SEMA3E: variants seen among roughly 807,000 people sequenced by gnomAD.
SEMA3E encodes the protein semaphorin-3E.
In SEMA3E, 49 loss-of-function variants were observed where a neutral mutation model predicts 93.6. That is an observed-to-expected ratio of 0.52 (90% CI 0.42 to 0.66). The LOEUF is 0.66. Among genes scored for constraint, SEMA3E ranks in the 30% least tolerant of loss-of-function variants. SEMA3E has a pLI of 0.00. For synonymous variants in SEMA3E, 363 were observed against 330.7 expected, an observed-to-expected ratio of 1.10 and a Z score of -1.06; for missense variants, 906 against 964.8, an observed-to-expected ratio of 0.94 and a Z score of 0.81.
At chr7:83,450,118 A>C (rs1789325320) in intron 4 of SEMA3E, among the ~76,000 whole-genome samples, 1 of 152,214 alleles carries the variant, frequency 6.6e-6, no homozygotes, top group Non-Finnish European at 1.5e-5. Context: ...ATCCTAAGAA[A>C]AAGACAGACA....
chr7:83,372,068 C>A, intron 16 of SEMA3E: 1 of 386,634 alleles, frequency 2.6e-6, no homozygotes, highest in East Asian at 3.7e-5. Context: ...GTAAAGAATT[C>A]AGAAGATAGT....
At chr7:83,618,862 G>C (rs992806977) in intron 1 of SEMA3E, among the ~76,000 whole-genome samples, 1 of 151,736 alleles carries the variant, frequency 6.6e-6, no homozygotes, top group Non-Finnish European at 1.5e-5. Context: ...ATACATAATG[G>C]TTTATCAAAT....
At chr7:83,495,083 T>G (rs1790461770) in intron 1 of SEMA3E, among the ~76,000 whole-genome samples, 1 of 151,956 alleles carries the variant, frequency 6.6e-6, no homozygotes, top group South Asian at 2.1e-4. Flanking sequence ...ATACCATAAA[T>G]TTGTTACAAT....
chr7:83,367,632 G>A lies in SEMA3E; in HGVS notation c.2282C>T (p.Ser761Phe). Reference protein sequence around the residue: ...YANPQEKKLRSKPEHYRLPRH... With the variant: ...YANPQEKKLRFKPEHYRLPRH... Reference sequence around the variant, plus strand: ...GGGCAGGCGGTAATGCTCAGGTTTGGAACGGAGCTTCTTTTCCTGAGGGTT... The same window carrying A: ...GGGCAGGCGGTAATGCTCAGGTTTGAAACGGAGCTTCTTTTCCTGAGGGTT... The change falls in exon 17 of 17, where the codon TCC becomes TTC. Residue 761 changes from serine to phenylalanine, a missense_variant. Transcript: ENST00000643230. The A allele has an allele frequency of 2.5e-6, 4 of 1,614,158 alleles. No homozygotes were observed. Among genetic ancestry groups the A allele is most frequent in the Non-Finnish European group, 2.5e-6 (3 of 1,180,018 alleles).
chr7:83,600,835 T>C (rs1381981197), intron 1 of SEMA3E, among the ~76,000 whole-genome samples: 1 of 152,176 alleles, frequency 6.6e-6, no homozygotes, highest in Non-Finnish European at 1.5e-5. Context: ...GGCAATTACT[T>C]AGACTAGACT....
chr7:83,586,162 C>A (rs891970244), intron 1 of SEMA3E, among the ~76,000 whole-genome samples: 1 of 152,074 alleles, frequency 6.6e-6, no homozygotes, highest in African/African-American at 2.4e-5. Flanking sequence ...AAGAGACACA[C>A]TGAGAGAAGA....
intron 16 of SEMA3E, among the ~76,000 whole-genome samples, chr7:83,379,583 C>T (rs1266446862): frequency 6.6e-6 from 1 of 151,692 alleles, no homozygotes; most frequent in African/African-American, 2.4e-5. Flanking sequence ...GTGTTTTCCC[C>T]TTGCTTTTGG....
intron 1 of SEMA3E, among the ~76,000 whole-genome samples, chr7:83,516,826 G>C (rs1234701562): frequency 3.3e-5 from 5 of 151,756 alleles, no homozygotes; most frequent in Non-Finnish European, 7.4e-5. Context: ...AAATGCTTGA[G>C]AGCATTTGCT....
At chr7:83,566,848 AAGAG>A (rs950730073) in intron 1 of SEMA3E, among the ~76,000 whole-genome samples, 1 of 152,202 alleles carries the variant, frequency 6.6e-6, no homozygotes, top group Non-Finnish European at 1.5e-5. Flanking sequence ...CAATGATAAG[AAGAG>A]AGAAAGAAGG....
At position 83,408,802 on chromosome 7, in the gene SEMA3E, T is replaced by C. The variant is rs1419574857; in HGVS notation, c.551-315A>G. Among the ~76,000 whole-genome samples the C allele has an allele frequency of 2.0e-5, 3 of 152,322 alleles. No individual in the cohort carries two copies. The East Asian group carries it at 5.8e-4, about 29-fold the overall frequency. On this transcript the variant is annotated intron_variant, in intron 5 of 16. Coordinates refer to ENST00000643230, the MANE Select transcript of SEMA3E (RefSeq NM_012431.3). ...AGATCAGCTGGTAAATAGTAAGACC[T>C]ATATGAGTTTTTGGTAAATACCTTG...
In SEMA3E at chr7:83,406,068, A is replaced by C. The variant is rs1562767558; in HGVS notation, c.814-9T>G. ...TGCCCTCCTACATCATTCTGTGAAAACCAAAAAGGAGGTAAATAGTTACCT... is the reference window on the plus strand; with the variant it reads ...TGCCCTCCTACATCATTCTGTGAAACCCAAAAAGGAGGTAAATAGTTACCT... On this transcript the variant is annotated splice_polypyrimidine_tract_variant and intron_variant, in intron 7 of 16. Coordinates refer to ENST00000643230, the MANE Select transcript of SEMA3E (RefSeq NM_012431.3). 6.3e-7 allele frequency: 1 copy of C among 1,583,162 alleles called. No homozygotes were observed.
At chr7:83,476,161 A>G (rs78929135) in intron 2 of SEMA3E, among the ~76,000 whole-genome samples, 4 of 152,176 alleles carry the variant, frequency 2.6e-5, no homozygotes, top group South Asian at 2.1e-4. Flanking sequence ...TTCAACGTCC[A>G]TTGATTGGCT....
chr7:83,578,884 C>A (rs6951474), intron 1 of SEMA3E, among the ~76,000 whole-genome samples: 1 of 151,800 alleles, frequency 6.6e-6, no homozygotes, highest in African/African-American at 2.4e-5. Flanking sequence ...AATATTGGCC[C>A]TTTAGACTTG....
intron 1 of SEMA3E, among the ~76,000 whole-genome samples, chr7:83,503,010 C>CTTTTTTTTTTTTTTTTTT: frequency 7.2e-6 from 1 of 138,874 alleles, no homozygotes. Context: ...TTCTTTCTCT[C>CTTTTTTTTTTTTTTTTTT]TCTTTTTTTT....
intron 1 of SEMA3E, among the ~76,000 whole-genome samples, chr7:83,538,012 A>G (rs7810691): frequency 0.29 from 43,869 of 151,882 alleles, 7,216 homozygotes; most frequent in African/African-American, 0.43. Context: ...TTTACTTGGC[A>G]TGTTTTCAAG....
chr7:83,377,726 T>C (rs1328534964), intron 16 of SEMA3E, among the ~76,000 whole-genome samples: 1 of 152,022 alleles, frequency 6.6e-6, no homozygotes, highest in East Asian at 1.9e-4. Context: ...GAAGCCATGG[T>C]TTTCTTTACT....
chr7:83,589,150 A>C (rs1349204119), intron 1 of SEMA3E, among the ~76,000 whole-genome samples: 1 of 152,184 alleles, frequency 6.6e-6, no homozygotes, highest in Non-Finnish European at 1.5e-5. Context: ...AGTTAATTAT[A>C]ATTTGACTCC....
chr7:83,597,914 G>A (rs1792910612), intron 1 of SEMA3E, among the ~76,000 whole-genome samples: 1 of 152,090 alleles, frequency 6.6e-6, no homozygotes, highest in African/African-American at 2.4e-5. Context: ...AGGTATACAA[G>A]AATGTATATA....
At chr7:83,597,494 C>T (rs1368180513) in intron 1 of SEMA3E, among the ~76,000 whole-genome samples, 2 of 152,134 alleles carry the variant, frequency 1.3e-5, no homozygotes, top group Non-Finnish European at 2.9e-5. Context: ...TATATTCATC[C>T]ATTTTACTAT....
Sources: allele counts gnomAD v4.1 joint callset (sites outside exome capture counted in the v4.1 genomes callset), GRCh38; gene constraint gnomAD v4.1.1; transcripts MANE v1.5; gene names NCBI Gene and HGNC (gene_info 2026-07-23, HGNC 2026-07-21).